The following ZFAND6 variants were observed in gnomAD, a reference collection of about 807,000 sequenced individuals.
ZFAND6 encodes the protein AN1-type zinc finger protein 6.
A neutral mutation model predicts 24.5 loss-of-function variants in ZFAND6; 12 were observed. The observed-to-expected ratio is 0.49, with a 90% CI of 0.31 to 0.79. ZFAND6 has a LOEUF of 0.79. ZFAND6 is among the 30% of genes least tolerant of loss of function. The pLI is 0.04. For missense variants in ZFAND6, 207 were observed against 245.9 expected (o/e 0.84, Z 1.06); for synonymous variants, 92 against 81.5 (o/e 1.13, Z -0.69).
At chr15:80,073,299 A>G in intron 1 of ZFAND6, 1 of 347,950 alleles carries the variant, frequency 2.9e-6, no homozygotes, top group African/African-American at 2.2e-5. Flanking sequence ...CGAAACAGGA[A>G]ATGAAAGGAT....
chr15:80,096,627 G>A (rs1428112912), intron 1 of ZFAND6, among the ~76,000 whole-genome samples: 5 of 152,158 alleles, frequency 3.3e-5, no homozygotes, highest in Non-Finnish European at 4.4e-5. Context: ...TATGAAATTG[G>A]AGTGTTTGGG....
At chr15:80,135,303 T>C (rs1331714144) in intron 6 of ZFAND6, among the ~76,000 whole-genome samples, 7 of 152,242 alleles carry the variant, frequency 4.6e-5, no homozygotes, top group Non-Finnish European at 1.0e-4. Flanking sequence ...TCGACTATGT[T>C]ACCAGTAAAG....
At chr15:80,117,792 C>T (rs2039949136) in intron 2 of ZFAND6, among the ~76,000 whole-genome samples, 1 of 152,116 alleles carries the variant, frequency 6.6e-6, no homozygotes, top group Admixed American at 6.6e-5. Flanking sequence ...ACTACTAGTA[C>T]AGTTGGGTGC....
At chr15:80,089,010 C>T (rs1029249600) in intron 1 of ZFAND6, among the ~76,000 whole-genome samples, 2 of 152,050 alleles carry the variant, frequency 1.3e-5, no homozygotes, top group Non-Finnish European at 2.9e-5. Context: ...CTCATCTCAA[C>T]GTGTACTGTA....
chr15:80,081,953 G>A (rs1053964145), intron 1 of ZFAND6, among the ~76,000 whole-genome samples: 1 of 152,164 alleles, frequency 6.6e-6, no homozygotes, highest in Non-Finnish European at 1.5e-5. Flanking sequence ...GACATTCCTT[G>A]AAGATTTGTT....
At chr15:80,066,828 C>T (rs35305616) in intron 1 of ZFAND6, among the ~76,000 whole-genome samples, 2 of 148,442 alleles carry the variant, frequency 1.3e-5, no homozygotes, top group African/African-American at 2.5e-5. Context: ...AACTTAGAGG[C>T]GGAGGTTGCA....
At chr15:80,118,925 T>C (rs34036416) in intron 2 of ZFAND6, among the ~76,000 whole-genome samples, 94,100 of 152,092 alleles carry the variant, frequency 0.62, 29,868 homozygotes, top group Admixed American at 0.72. Context: ...TGAATGCTTT[T>C]CTTGGGTGTT....
At chr15:80,062,554 T>C (rs1340273482) in intron 1 of ZFAND6, among the ~76,000 whole-genome samples, 1 of 152,170 alleles carries the variant, frequency 6.6e-6, no homozygotes, top group Non-Finnish European at 1.5e-5. Flanking sequence ...TGTATGTAAG[T>C]GTGAATTTAC....
At chr15:80,070,727 A>G (rs944639192) in intron 1 of ZFAND6, among the ~76,000 whole-genome samples, 1 of 152,182 alleles carries the variant, frequency 6.6e-6, no homozygotes, top group Non-Finnish European at 1.5e-5. Context: ...TGCGAGAGCA[A>G]AGGTTTATTT....
intron 2 of ZFAND6, chr15:80,111,618 T>C (rs1356820515): frequency 2.1e-5 from 8 of 387,156 alleles, no homozygotes; most frequent in South Asian, 3.8e-5. Flanking sequence ...TATAGTGATA[T>C]ATTGCTATAA....
intron 1 of ZFAND6, among the ~76,000 whole-genome samples, chr15:80,063,677 A>G (rs909284722): frequency 8.0e-5 from 12 of 150,520 alleles, no homozygotes; most frequent in African/African-American, 2.5e-4. Context: ...GCCTCTCCCC[A>G]GTAGCTGGGA....
At chr15:80,109,531 A>G (rs1465566911) in intron 2 of ZFAND6, among the ~76,000 whole-genome samples, 1 of 152,222 alleles carries the variant, frequency 6.6e-6, no homozygotes, top group African/African-American at 2.4e-5. Context: ...GGCCTCAGAC[A>G]GGAAAATACC....
Position 80,134,830 on chromosome 15 carries a change from C to G in ZFAND6, c.479-2650C>G, listed in dbSNP as rs144639789. On this transcript the variant is annotated intron_variant, in intron 6 of 6. Coordinates refer to ENST00000261749, the MANE Select transcript of ZFAND6 (RefSeq NM_019006.4). ...AAAAGCGTGCAAGAAAACAGATTGA[C>G]ACTAGACAGTCTGACAGAAGGGGTC... Among the ~76,000 whole-genome samples the G allele has an allele frequency of 5.9e-3, 899 of 152,310 alleles. 2 individuals carry two copies. Among genetic ancestry groups the G allele is most frequent in the African/African-American group, 0.021 (867 of 41,572 alleles).
chr15:80,095,551 A>C (rs1281961845), intron 1 of ZFAND6, among the ~76,000 whole-genome samples: 1 of 152,206 alleles, frequency 6.6e-6, no homozygotes, highest in Non-Finnish European at 1.5e-5. Context: ...ACTTTGTCTA[A>C]ATCAAATTAT....
chr15:80,110,187 T>TCTCCC (rs2039536474), intron 2 of ZFAND6, among the ~76,000 whole-genome samples: 2 of 152,068 alleles, frequency 1.3e-5, no homozygotes, highest in African/African-American at 4.8e-5. Flanking sequence ...ATTCTGTTGA[T>TCTCCC]CTCCCAGACC....
intron 1 of ZFAND6, among the ~76,000 whole-genome samples, chr15:80,061,482 T>TG (rs1781652653): frequency 6.6e-6 from 1 of 152,212 alleles, no homozygotes; most frequent in African/African-American, 2.4e-5. Context: ...TACTAAAACT[T>TG]GCATTTGTCT....
intron 5 of ZFAND6, chr15:80,130,186 A>G (rs2040536498): frequency 6.6e-6 from 1 of 152,140 alleles, no homozygotes; most frequent in Non-Finnish European, 1.5e-5. Flanking sequence ...CAGTATTTGG[A>G]AAAGGTGTTA....
At chr15:80,127,582 T>TC (rs2040420324) in intron 5 of ZFAND6, among the ~76,000 whole-genome samples, 1 of 75,920 alleles carries the variant, frequency 1.3e-5, no homozygotes, top group African/African-American at 6.3e-5. Context: ...AGGGCAAAAC[T>TC]CCATCTCAAA....
chr15:80,123,820 C>T (rs1386497214), intron 5 of ZFAND6, among the ~76,000 whole-genome samples: 1 of 152,204 alleles, frequency 6.6e-6, no homozygotes, highest in Admixed American at 6.5e-5. Context: ...CTGCGGTGAG[C>T]TATGATCGTG....
Sources: gnomAD v4.1 joint callset for allele counts (sites outside exome capture counted in the v4.1 genomes callset) on GRCh38, gnomAD v4.1.1 for gene constraint, MANE v1.5 for transcripts, NCBI Gene and HGNC (gene_info 2026-07-23, HGNC 2026-07-21) for gene names.